The following OPHN1 variants were observed in gnomAD, a reference collection of about 807,000 sequenced individuals.
OPHN1 encodes oligophrenin 1.
Under a neutral mutation model 60.7 loss-of-function variants are expected in OPHN1, and 11 were observed. The ratio of observed to expected loss-of-function variants is 0.18; its 90% CI spans 0.11 to 0.30. The LOEUF (loss-of-function observed/expected upper bound fraction) is 0.30, where lower values mean the gene tolerates loss of function less well. OPHN1 is among the 10% of genes least tolerant of loss of function. OPHN1 has a pLI of 1.00. For synonymous variants in OPHN1, 226 were observed against 222.6 expected, an observed-to-expected ratio of 1.02 and a Z score of -0.14; for missense variants, 449 against 611.0, an observed-to-expected ratio of 0.73 and a Z score of 2.80.
At chrX:68,217,334 C>T (rs923236149) in intron 6 of OPHN1, among the ~76,000 whole-genome samples, 6 of 111,584 alleles carry the variant, frequency 5.4e-5, no homozygotes, top group Admixed American at 1.9e-4. Context: ...AACTGCAAGG[C>T]GGCAGCGAGG....
intron 15 of OPHN1, among the ~76,000 whole-genome samples, chrX:68,168,094 C>A (rs747827207): frequency 9.0e-6 from 1 of 110,670 alleles, no homozygotes; most frequent in Non-Finnish European, 1.9e-5. Context: ...GACAGATCAA[C>A]GAGACAGAAC....
chrX:68,207,589 T>C (rs1346320533), intron 9 of OPHN1, among the ~76,000 whole-genome samples: 1 of 111,596 alleles, frequency 9.0e-6, no homozygotes, highest in Non-Finnish European at 1.9e-5. Context: ...TTTTCCTAGA[T>C]TATTTTTAAA....
intron 5 of OPHN1, among the ~76,000 whole-genome samples, chrX:68,237,717 T>C (rs925769771): frequency 3.6e-5 from 4 of 112,190 alleles, no homozygotes; most frequent in African/African-American, 1.3e-4. Context: ...ACTGATCTTG[T>C]ATCCTACACA....
intron 2 of OPHN1, among the ~76,000 whole-genome samples, chrX:68,425,523 C>G (rs1405894595): frequency 8.9e-6 from 1 of 111,813 alleles, no homozygotes; most frequent in African/African-American, 3.2e-5. Context: ...GAATTGGAAT[C>G]AACCCATCCT....
intron 5 of OPHN1, among the ~76,000 whole-genome samples, chrX:68,265,480 A>G (rs1377386574): frequency 8.9e-6 from 1 of 112,289 alleles, no homozygotes; most frequent in Non-Finnish European, 1.9e-5. Context: ...GACTGTTACA[A>G]GGAAAACTAA....
At chrX:68,134,655 A>T (rs1369889227) in intron 15 of OPHN1, among the ~76,000 whole-genome samples, 1 of 110,653 alleles carries the variant, frequency 9.0e-6, no homozygotes, top group Non-Finnish European at 1.9e-5. Flanking sequence ...CATAGCAGGT[A>T]AGCTCAGAGC....
intron 19 of OPHN1, among the ~76,000 whole-genome samples, chrX:68,088,425 T>C (rs1055679080): frequency 1.8e-5 from 2 of 111,969 alleles, no homozygotes; most frequent in Non-Finnish European, 3.8e-5. Context: ...AAGAATGAGA[T>C]GGCAGATTCC....
intron 6 of OPHN1, among the ~76,000 whole-genome samples, chrX:68,230,108 T>G (rs1242586068): frequency 1.8e-5 from 2 of 111,833 alleles, no homozygotes; most frequent in East Asian, 5.6e-4. Context: ...GCAAAGAATA[T>G]GAACAGATGC....
chrX:68,402,033 A>G (rs1285230157), intron 2 of OPHN1, among the ~76,000 whole-genome samples: 1 of 111,742 alleles, frequency 8.9e-6, no homozygotes, highest in African/African-American at 3.2e-5. Context: ...TGGCATGATG[A>G]GTGCTTTAGT....
At chrX:68,362,288 A>C (rs1445294876) in intron 2 of OPHN1, among the ~76,000 whole-genome samples, 1 of 111,656 alleles carries the variant, frequency 9.0e-6, no homozygotes, top group African/African-American at 3.3e-5. Flanking sequence ...TGAAAACTGC[A>C]TGATCTACTT....
At chrX:68,138,194 A>C (rs2077228870) in intron 15 of OPHN1, among the ~76,000 whole-genome samples, 1 of 112,115 alleles carries the variant, frequency 8.9e-6, no homozygotes, top group African/African-American at 3.2e-5. Flanking sequence ...AGATGTGTTA[A>C]GTGGAAACCA....
At chrX:68,268,387 C>T (rs1480407274) in intron 5 of OPHN1, among the ~76,000 whole-genome samples, 3 of 111,911 alleles carry the variant, frequency 2.7e-5, no homozygotes, top group Non-Finnish European at 5.6e-5. Context: ...AAAAGCTTAT[C>T]TATCATGATC....
intron 2 of OPHN1, among the ~76,000 whole-genome samples, chrX:68,357,492 A>G (rs1169563140): frequency 9.2e-6 from 1 of 108,923 alleles, no homozygotes; most frequent in Non-Finnish European, 1.9e-5. Flanking sequence ...TATGAGTGAG[A>G]ACATGCGGCG....
intron 5 of OPHN1, among the ~76,000 whole-genome samples, chrX:68,244,218 GCTT>G (rs1360879968): frequency 9.0e-6 from 1 of 111,527 alleles, no homozygotes; most frequent in Non-Finnish European, 1.9e-5. Context: ...CTCATGACTG[GCTT>G]CTTTTCAATG....
intron 5 of OPHN1, among the ~76,000 whole-genome samples, chrX:68,256,889 G>A (rs1429300892): frequency 9.1e-6 from 1 of 109,899 alleles, no homozygotes. Context: ...AAAATTAGCT[G>A]GGTGTGGTGG....
chrX:68,401,612 A>G (rs754948667), intron 2 of OPHN1, among the ~76,000 whole-genome samples: 4 of 112,191 alleles, frequency 3.6e-5, no homozygotes, highest in Non-Finnish European at 7.5e-5. Context: ...AATACCAAGC[A>G]TTATACAAAC....
intron 6 of OPHN1, among the ~76,000 whole-genome samples, chrX:68,224,120 G>T (rs1409924270): frequency 2.7e-5 from 3 of 111,660 alleles, no homozygotes; most frequent in South Asian, 3.7e-4. Flanking sequence ...TGACATCTTT[G>T]TAACACTTGA....
chrX:68,126,676 C>A (rs962194875), intron 15 of OPHN1, among the ~76,000 whole-genome samples: 18 of 111,706 alleles, frequency 1.6e-4, no homozygotes, highest in African/African-American at 5.9e-4. Flanking sequence ...AACTCCTGAC[C>A]TCAAGGGATC....
chrX:68,222,089 A>T (rs1412285675), intron 6 of OPHN1, among the ~76,000 whole-genome samples: 1 of 108,194 alleles, frequency 9.2e-6, no homozygotes, highest in Non-Finnish European at 1.9e-5. Context: ...CAAGAAAAAA[A>T]CAAACAACCC....
Sources: gnomAD v4.1 joint callset for allele counts (sites outside exome capture counted in the v4.1 genomes callset) on GRCh38, gnomAD v4.1.1 for gene constraint, MANE v1.5 for transcripts, NCBI Gene and HGNC (gene_info 2026-07-23, HGNC 2026-07-21) for gene names.